KIF26B: variants seen among roughly 807,000 people sequenced by gnomAD.
KIF26B encodes the protein kinesin family member 26B.
Under a neutral mutation model 151.2 loss-of-function variants are expected in KIF26B, and 63 were observed. That is an observed-to-expected ratio of 0.42 (90% CI 0.34 to 0.51). The LOEUF (loss-of-function observed/expected upper bound fraction) is 0.51. KIF26B is among the 20% of genes least tolerant of loss of function. The pLI, the probability that KIF26B is intolerant of heterozygous loss-of-function variation, is 0.07. For synonymous variants in KIF26B, 1,357 were observed against 1,262.1 expected (o/e 1.08, Z -1.59); for missense variants, 2,813 against 2,913.6 (o/e 0.97, Z 0.79).
chr1:245,211,308 A>G (rs1669522065), intron 2 of KIF26B, among the ~76,000 whole-genome samples: 1 of 152,020 alleles, frequency 6.6e-6, no homozygotes, highest in African/African-American at 2.4e-5. Context: ...GATGCAAAAG[A>G]CTCACCATCC....
At position 245,563,694 on chromosome 1, in the gene KIF26B, T is replaced by A. The variant is rs933570550; in HGVS notation, c.1350+22744T>A. On this transcript the variant is annotated intron_variant, in intron 5 of 14. Coordinates refer to ENST00000407071, the MANE Select transcript of KIF26B (RefSeq NM_018012.4). This position sits in a 1 kb window ranked among gnomAD's most constrained non-coding sequence, Gnocchi z 4.6. Reference sequence around the variant, plus strand: ...GACTGCCTGTATAATGGTGGTCCCATAAGATTATAATACTGTGTTTTTACT... The same window carrying A: ...GACTGCCTGTATAATGGTGGTCCCAAAAGATTATAATACTGTGTTTTTACT... 1.3e-5 allele frequency among the ~76,000 whole-genome samples: 2 copies of A among 152,180 alleles called. No individual in the cohort carries two copies. Among genetic ancestry groups the A allele is most frequent in the Non-Finnish European group, 2.9e-5 (2 of 68,034 alleles).
intron 2 of KIF26B, among the ~76,000 whole-genome samples, chr1:245,303,795 C>T (rs1671487664): frequency 6.6e-6 from 1 of 152,206 alleles, no homozygotes; most frequent in Non-Finnish European, 1.5e-5. Context: ...CCCTTCTGCC[C>T]TCTTCAGCAA....
intron 2 of KIF26B, among the ~76,000 whole-genome samples, chr1:245,157,781 C>G (rs553637950): frequency 6.6e-6 from 1 of 152,216 alleles, no homozygotes; most frequent in Non-Finnish European, 1.5e-5. Context: ...CCGTGACATC[C>G]CAAGGATACA....
In KIF26B at chr1:245,295,224, C is replaced by T. The variant is rs1304934238; in HGVS notation, c.466-71610C>T. 2.0e-5 allele frequency among the ~76,000 whole-genome samples: 3 copies of T among 152,324 alleles called. No homozygotes were observed. The East Asian group carries it at 5.8e-4, about 29-fold the overall frequency. On this transcript the variant is annotated intron_variant, in intron 2 of 14. Transcript: ENST00000407071. ...TATACATCCTAGGGAAATGTTTACA[C>T]ACACCATTGGTTTAAAATTTTAGCT...
rs962290323 is a variant in KIF26B at position 245,626,900 on chromosome 1, AT to A, written c.2098+14929del. On this transcript the variant is annotated intron_variant, in intron 9 of 14. Coordinates refer to ENST00000407071, the MANE Select transcript of KIF26B (RefSeq NM_018012.4). ...TAAGCCTTTAATAAATTTTGAGTGG[AT>A]TTTTATATATGGTAAGAGATAGCGG... is the stretch of plus-strand genomic sequence containing the variant. Among the ~76,000 whole-genome samples the A allele has an allele frequency of 9.2e-5, 14 of 152,242 alleles. No individual in the cohort carries two copies. The Middle Eastern group carries it at 0.01, about 111-fold the overall frequency.
chr1:245,478,009 G>A (rs1033486761), intron 4 of KIF26B, among the ~76,000 whole-genome samples: 1 of 151,700 alleles, frequency 6.6e-6, no homozygotes, highest in Admixed American at 6.6e-5. Flanking sequence ...TCTTCCAGCC[G>A]CTGGCACCCA....
chr1:245,513,457 A>G (rs1046140045), intron 4 of KIF26B, among the ~76,000 whole-genome samples: 1 of 152,194 alleles, frequency 6.6e-6, no homozygotes, highest in Non-Finnish European at 1.5e-5. Flanking sequence ...AGTTTCAAGC[A>G]AAGTTCTGTG....
At chr1:245,536,390 G>T (rs539988270) in intron 4 of KIF26B, among the ~76,000 whole-genome samples, 2 of 152,024 alleles carry the variant, frequency 1.3e-5, no homozygotes, top group African/African-American at 4.8e-5. Flanking sequence ...AAAACATACC[G>T]TGAGCTCTCT....
rs968698119 is a variant in KIF26B at position 245,427,617 on chromosome 1, C to A, written c.1166+7872C>A. 2.7e-4 allele frequency among the ~76,000 whole-genome samples: 41 copies of A among 152,142 alleles called. 1 individual carries two copies. The highest frequency in any genetic ancestry group is 5.9e-5 in the Non-Finnish European group (4 of 68,016). On this transcript the variant is annotated intron_variant, in intron 4 of 14. Transcript: ENST00000407071. Reference sequence around the variant, plus strand: ...GGGTGAGACTCTGTCTCAAAACAAACAAACAAACAAAGAAAAAGCCCTTTT... The same window carrying A: ...GGGTGAGACTCTGTCTCAAAACAAAAAAACAAACAAAGAAAAAGCCCTTTT...
At chr1:245,542,545 G>A (rs763907105) in intron 5 of KIF26B, among the ~76,000 whole-genome samples, 2 of 152,228 alleles carry the variant, frequency 1.3e-5, no homozygotes, top group Non-Finnish European at 2.9e-5. Flanking sequence ...ACTGGACATG[G>A]AAGCAGGTGG....
At chr1:245,628,808 C>G (rs1042865499) in intron 9 of KIF26B, among the ~76,000 whole-genome samples, 1 of 151,980 alleles carries the variant, frequency 6.6e-6, no homozygotes, top group Admixed American at 6.6e-5. Flanking sequence ...AGGAAGTCAA[C>G]TTGTCTCTGT....
intron 2 of KIF26B, among the ~76,000 whole-genome samples, chr1:245,220,886 A>G (rs1669753188): frequency 6.6e-6 from 1 of 152,090 alleles, no homozygotes; most frequent in Non-Finnish European, 1.5e-5. Flanking sequence ...ACACGGCTCC[A>G]CTGTCCTCAG....
At chr1:245,511,605 T>C (rs531652054) in intron 4 of KIF26B, among the ~76,000 whole-genome samples, 1 of 152,206 alleles carries the variant, frequency 6.6e-6, no homozygotes, top group East Asian at 1.9e-4. Context: ...TGTTTGTTTG[T>C]TTGGTTTTGT....
intron 2 of KIF26B, among the ~76,000 whole-genome samples, chr1:245,232,905 G>A (rs945217962): frequency 6.6e-6 from 1 of 152,132 alleles, no homozygotes; most frequent in Admixed American, 6.5e-5. Context: ...TTTGGCAATG[G>A]TTCTCTTTTT....
rs766345841 is a variant in KIF26B at position 245,698,247 on chromosome 1, T to A, written c.5966T>A (p.Ile1989Asn). ...SPRGLGEPFE[I>N]KVYEIDDVER... is the part of the protein sequence containing the mutation. ...AGGGGCCTTGGGGAACCCTTTGAGA[T>A]TAAAGTCTATGAAATCGATGACGTG... The change falls in exon 13 of 15, where the codon ATT becomes AAT. Residue 1989 changes from isoleucine to asparagine, a missense_variant. This residue lies in a region of KIF26B where 2,060 missense variants were observed against 2,088.6 expected (regional missense o/e 0.99). Coordinates refer to ENST00000407071, the MANE Select transcript of KIF26B (RefSeq NM_018012.4). The surrounding 1 kb of genome is among the most constrained non-coding windows in gnomAD (Gnocchi z 4.0). 6.2e-7 allele frequency: 1 copy of A among 1,613,714 alleles called. No individual in the cohort carries two copies. The highest frequency in any genetic ancestry group is 8.5e-7 in the Non-Finnish European group (1 of 1,179,746).
At chr1:245,583,547 T>C (rs1251655046) in intron 5 of KIF26B, among the ~76,000 whole-genome samples, 1 of 152,206 alleles carries the variant, frequency 6.6e-6, no homozygotes, top group African/African-American at 2.4e-5. Flanking sequence ...TATAGACGAA[T>C]GTTTCTTATC....
chr1:245,458,216 A>C (rs1276952786), intron 4 of KIF26B, among the ~76,000 whole-genome samples: 1 of 152,152 alleles, frequency 6.6e-6, no homozygotes, highest in African/African-American at 2.4e-5. Context: ...ACCCCTCGGC[A>C]GTGTCGTTCT....
chr1:245,502,546 AAAAAGAAG>A (rs1660644128), intron 4 of KIF26B, among the ~76,000 whole-genome samples: 1 of 151,458 alleles, frequency 6.6e-6, no homozygotes, highest in Non-Finnish European at 1.5e-5. Context: ...AAAAAAAAAA[AAAAAGAAG>A]AAGAAGAGGC....
At chr1:245,248,683 T>C (rs2103563893) in intron 2 of KIF26B, among the ~76,000 whole-genome samples, 1 of 152,362 alleles carries the variant, frequency 6.6e-6, no homozygotes, top group East Asian at 1.9e-4. Context: ...AATCTCTCTT[T>C]AAGCGAACAC....
Sources: allele counts gnomAD v4.1 joint callset (sites outside exome capture counted in the v4.1 genomes callset), GRCh38; gene constraint gnomAD v4.1.1; regional missense constraint gnomAD v4.1.1; non-coding constraint Gnocchi (gnomAD v3.1); transcripts MANE v1.5; gene names NCBI Gene and HGNC (gene_info 2026-07-23, HGNC 2026-07-21).